The following TRPM4 variants were observed in gnomAD, a reference collection of about 807,000 sequenced individuals.
The protein encoded by TRPM4 is transient receptor potential cation channel subfamily M member 4, also known as calcium-activated non-selective cation channel 1.
TRPM4 carries 124 observed loss-of-function variants against 135.6 expected under a neutral mutation model. The observed-to-expected ratio is 0.91, with a 90% confidence interval of 0.79 to 1.06. The LOEUF (loss-of-function observed/expected upper bound fraction) is 1.06, where lower values mean the gene tolerates loss of function less well. Among genes scored for constraint, TRPM4 ranks in the 50% least tolerant of loss-of-function variants. TRPM4 has a pLI of 0.00. For synonymous variants in TRPM4, 745 were observed against 705.6 expected (o/e 1.06, Z -0.88); for missense variants, 1,658 against 1,671.4 (o/e 0.99, Z 0.14).
At chr19:49,188,146 C>T (rs1021745633) in intron 12 of TRPM4, among the ~76,000 whole-genome samples, 3 of 152,128 alleles carry the variant, frequency 2.0e-5, no homozygotes, top group Non-Finnish European at 4.4e-5. Flanking sequence ...TTATCAATTT[C>T]GTTTCAGAGT....
At chr19:49,166,333 C>A in intron 3 of TRPM4, 118 bp downstream of exon 3, 1 of 1,094,006 alleles carries the variant, frequency 9.1e-7, no homozygotes, top group Non-Finnish European at 1.3e-6. Context: ...CCTGTCTTGG[C>A]TCTCTTTGTC....
intron 2 of TRPM4, among the ~76,000 whole-genome samples, chr19:49,165,658 C>T (rs184427296): frequency 3.7e-4 from 56 of 152,284 alleles, no homozygotes; most frequent in African/African-American, 9.9e-4. Context: ...CCCGAGCATG[C>T]GGGCTCTCCC....
At chr19:49,196,346 T>G in intron 16 of TRPM4, 94 bp from the exon 17 acceptor site, 34 of 1,198,134 alleles carry the variant, frequency 2.8e-5, no homozygotes, top group Non-Finnish European at 3.5e-5. Context: ...TCAGGCAGGG[T>G]GAGATGTGCC....
In TRPM4 at chr19:49,172,009, G is replaced by T. The variant is rs761344945; in HGVS notation, c.1051G>T (p.Val351Leu). Residue 351 changes from valine (V) to leucine (L), a missense_variant and splice_region_variant, in exon 9 of 25, where the codon GTG becomes TTG. Physicochemically the swap from Val to Leu is conservative, Grantham distance 32 (BLOSUM62 1). Coordinates refer to ENST00000252826, the MANE Select transcript of TRPM4 (RefSeq NM_017636.4). ...GGATGCAGAACTGGCTATTCCACAGGTGGAGAGGATTATGACCCGGAAGGA... is the reference window on the plus strand; with the variant it reads ...GGATGCAGAACTGGCTATTCCACAGTTGGAGAGGATTATGACCCGGAAGGA... ...KGDLEVLQAQVERIMTRKELL... is the reference protein window; with the variant it reads ...KGDLEVLQAQLERIMTRKELL... 1.2e-6 allele frequency: 2 copies of T among 1,613,482 alleles called. No individual in the cohort carries two copies. The highest frequency in any genetic ancestry group is 4.5e-5 in the East Asian group (2 of 44,882).
In TRPM4 at chr19:49,168,634, T is replaced by G; in HGVS notation, c.694T>G (p.Phe232Val). 6.2e-7 allele frequency: 1 copy of G among 1,613,626 alleles called. No individual in the cohort carries two copies. The highest frequency in any genetic ancestry group is 8.5e-7 in the Non-Finnish European group (1 of 1,179,954). Reference sequence around the variant, plus strand: ...TCCCCTGGACTACAACTACTCGGCCTTCTTCCTGGTGGACGACGGCACACA... The same window carrying G: ...TCCCCTGGACTACAACTACTCGGCCGTCTTCCTGGTGGACGACGGCACACA... ...QFPLDYNYSA[F>V]FLVDDGTHGC... is the part of the protein sequence containing the mutation. Residue 232 changes from phenylalanine (F) to valine (V), a missense_variant, in exon 6 of 25, where the codon TTC becomes GTC. By Grantham distance (50) the Phe-to-Val change is conservative. Transcript: ENST00000252826.
intron 6 of TRPM4, among the ~76,000 whole-genome samples, chr19:49,169,901 T>C (rs1035753654): frequency 6.6e-6 from 1 of 152,174 alleles, no homozygotes; most frequent in African/African-American, 2.4e-5. Flanking sequence ...CAAGATACAT[T>C]ACTAGGTTTG....
chr19:49,205,178 A>G (rs573567623), intron 20 of TRPM4, among the ~76,000 whole-genome samples: 1 of 151,890 alleles, frequency 6.6e-6, no homozygotes, highest in Non-Finnish European at 1.5e-5. Context: ...GCTTTAAATC[A>G]CAGAAATTGT....
rs1968658249 is a variant in TRPM4, at chr19:49,196,680, C to G, written c.2451C>G (p.Leu817=). Residue 817 remains leucine, a synonymous_variant, in exon 17 of 25, where the codon CTC becomes CTG. Transcript: ENST00000252826. ...PAPPGSLELL[L]YFWAFTLLCE... is the part of the protein sequence containing the mutation. ...CGCCCGGCTCCCTGGAGCTGCTGCT[C>G]TATTTCTGGGCTTTCACGCTGCTGT... The G allele has an allele frequency of 1.3e-6, 2 of 1,550,526 alleles. No individual in the cohort carries two copies. The highest frequency in any genetic ancestry group is 8.7e-7 in the Non-Finnish European group (1 of 1,153,044).
intron 20 of TRPM4, 42 bp downstream of exon 20, chr19:49,202,183 A>G (rs1354329966): frequency 6.2e-7 from 1 of 1,608,340 alleles, no homozygotes; most frequent in Admixed American, 1.7e-5. Context: ...ACCCAGCATG[A>G]CCCGTGGCCC....
In TRPM4 at chr19:49,211,572, G is replaced by A. The variant is rs1362515635; in HGVS notation, c.*74G>A. 1.2e-5 allele frequency: 19 copies of A among 1,594,910 alleles called. No homozygotes were observed. Among genetic ancestry groups the A allele is most frequent in the East Asian group, 2.2e-5 (1 of 44,778 alleles). On this transcript the variant is annotated 3_prime_UTR_variant, in exon 25 of 25. Transcript: ENST00000252826. This position sits in a 1 kb window ranked among gnomAD's most constrained non-coding sequence, Gnocchi z 4.8. ...CTAGAGTAAGGCTCATCTGGGCCTC[G>A]GCCCCCGCACCTGGTGGCCTTGTCC...
chr19:49,183,052 C>G (rs768205463), intron 11 of TRPM4, 26 bp from the exon 12 acceptor site: 2 of 1,609,474 alleles, frequency 1.2e-6, no homozygotes, highest in South Asian at 2.2e-5. Context: ...GGGGCTGGTC[C>G]TCACCACCCC....
intron 2 of TRPM4, 91 bp downstream of exon 2, chr19:49,158,350 C>T: frequency 8.4e-7 from 1 of 1,195,574 alleles, no homozygotes; most frequent in Non-Finnish European, 1.2e-6. Flanking sequence ...GCTCCTTCCC[C>T]ATTCCTGGAC....
At chr19:49,184,547 G>A (rs1351119240) in intron 12 of TRPM4, among the ~76,000 whole-genome samples, 1 of 134,428 alleles carries the variant, frequency 7.4e-6, no homozygotes, top group Non-Finnish European at 1.5e-5. Context: ...TGCAAGCTCT[G>A]CCTCCTGGGT....
At position 49,196,954 on chromosome 19, in the gene TRPM4, G is replaced by A. The variant is rs1432888888; in HGVS notation, c.2645+80G>A. 7.3e-6 allele frequency: 10 copies of A among 1,378,128 alleles called. 1 individual carries two copies. Among genetic ancestry groups the A allele is most frequent in the African/African-American group, 7.2e-5 (5 of 69,250 alleles). The allele number at this position is 1,378,128 out of a possible 1,614,324, so 85.4% of individuals were successfully genotyped here. A position where few individuals can be genotyped will look rare whatever the true frequency, so the allele number is the denominator to read the frequency against. Reference sequence around the variant, plus strand: ...GCCCACTCCCGGGGTCTCCACTCCCGGCTTCCCCGCAGCTGGGCAGCAGGT... The same window carrying A: ...GCCCACTCCCGGGGTCTCCACTCCCAGCTTCCCCGCAGCTGGGCAGCAGGT... On this transcript the variant is annotated intron_variant, in intron 17 of 24. Coordinates refer to ENST00000252826, the MANE Select transcript of TRPM4 (RefSeq NM_017636.4).
Position 49,182,609 on chromosome 19 carries a change from C to T in TRPM4, c.1295C>T (p.Ala432Val). 6.2e-7 allele frequency: 1 copy of T among 1,614,040 alleles called. No individual in the cohort carries two copies. Among genetic ancestry groups the T allele is most frequent in the Non-Finnish European group, 8.5e-7 (1 of 1,180,038 alleles). ...CATCTCGAAGCTTCCCTCATGGACG[C>T]CCTGCTGAATGACCGGCCTGAGTTC... ...SFHLEASLMD[A>V]LLNDRPEFVR... is the part of the protein sequence containing the mutation. Residue 432 changes from alanine (A) to valine (V), a missense_variant, in exon 11 of 25, where the codon GCC becomes GTC. Ala to Val is a moderately conservative substitution (Grantham distance 64). Coordinates refer to ENST00000252826, the MANE Select transcript of TRPM4 (RefSeq NM_017636.4).
intron 2 of TRPM4, 47 bp downstream of exon 2, chr19:49,158,306 T>C: frequency 1.3e-6 from 2 of 1,570,160 alleles, no homozygotes; most frequent in Non-Finnish European, 1.8e-6. Flanking sequence ...CGCGGCCCGC[T>C]GACCCCGCCC....
intron 2 of TRPM4, among the ~76,000 whole-genome samples, chr19:49,161,837 C>A (rs1237230953): frequency 6.6e-6 from 1 of 152,120 alleles, no homozygotes; most frequent in Non-Finnish European, 1.5e-5. Flanking sequence ...ACCATGTTGG[C>A]CAGGCTGATC....
intron 17 of TRPM4, among the ~76,000 whole-genome samples, chr19:49,198,901 C>A (rs1327835144): frequency 4.6e-5 from 7 of 151,922 alleles, no homozygotes; most frequent in Non-Finnish European, 8.8e-5. Flanking sequence ...GCTCAGCCTT[C>A]TGTTTTTTTA....
chr19:49,198,646 C>CAAA (rs35173042), intron 17 of TRPM4, among the ~76,000 whole-genome samples: 2 of 72,688 alleles, frequency 2.8e-5, no homozygotes, highest in East Asian at 4.1e-4. Flanking sequence ...AAAACTCTGT[C>CAAA]AAAAAAAAAA....
Sources: gnomAD v4.1 joint callset for allele counts (sites outside exome capture counted in the v4.1 genomes callset) on GRCh38, gnomAD v4.1.1 for gene constraint, Gnocchi (gnomAD v3.1) non-coding constraint, MANE v1.5 for transcripts, NCBI Gene and HGNC (gene_info 2026-07-23, HGNC 2026-07-21) for gene names.